Variants in FSTL5 observed in about 807,000 individuals in gnomAD.
The protein encoded by FSTL5 is follistatin-related protein 5.
In FSTL5, 62 loss-of-function variants were observed where a neutral mutation model predicts 89.1. That is an observed-to-expected ratio of 0.70 (90% CI 0.57 to 0.86). FSTL5 has a LOEUF of 0.86. Among genes scored for constraint, FSTL5 ranks in the 40% least tolerant of loss-of-function variants. FSTL5 has a pLI of 0.00. For synonymous variants in FSTL5, 383 were observed against 346.2 expected (o/e 1.11, Z -1.18); for missense variants, 1,057 against 1,001.6 (o/e 1.06, Z -0.75).
chr4:161,748,193 A>G (rs1740267817), intron 6 of FSTL5, among the ~76,000 whole-genome samples: 1 of 152,182 alleles, frequency 6.6e-6, no homozygotes, highest in Admixed American at 6.5e-5. Context: ...GCATTAACAA[A>G]TTATTCTGCT....
At chr4:161,663,464 C>CCAGTCACATTT (rs753037624) in intron 6 of FSTL5, among the ~76,000 whole-genome samples, 2 of 152,184 alleles carry the variant, frequency 1.3e-5, no homozygotes, top group East Asian at 3.9e-4. Flanking sequence ...ATCCAGGGGG[C>CCAGTCACATTT]CAGTCACATT....
At chr4:161,731,478 C>T (rs1438903825) in intron 6 of FSTL5, among the ~76,000 whole-genome samples, 1 of 151,944 alleles carries the variant, frequency 6.6e-6, no homozygotes, top group Non-Finnish European at 1.5e-5. Context: ...TGTGGCAACT[C>T]CCCCTTTACT....
intron 1 of FSTL5, among the ~76,000 whole-genome samples, chr4:162,126,937 T>C (rs1021134776): frequency 6.6e-6 from 1 of 152,326 alleles, no homozygotes; most frequent in East Asian, 1.9e-4. Flanking sequence ...ACCATCTGAC[T>C]ATGCTGAGAG....
chr4:161,996,154 C>A (rs1295890072), intron 3 of FSTL5, among the ~76,000 whole-genome samples: 4 of 152,160 alleles, frequency 2.6e-5, no homozygotes, highest in African/African-American at 9.7e-5. Flanking sequence ...CTCCATTCTA[C>A]AACAAGAACT....
chr4:161,969,665 C>G (rs1211287631), intron 3 of FSTL5, among the ~76,000 whole-genome samples: 1 of 152,170 alleles, frequency 6.6e-6, no homozygotes, highest in East Asian at 1.9e-4. Context: ...GTTGTATAAT[C>G]CACACGTATT....
intron 4 of FSTL5, among the ~76,000 whole-genome samples, chr4:161,858,535 T>A (rs1220617881): frequency 6.6e-6 from 1 of 152,196 alleles, no homozygotes; most frequent in Non-Finnish European, 1.5e-5. Flanking sequence ...CAATCCTACA[T>A]TCCCATAAAA....
intron 4 of FSTL5, among the ~76,000 whole-genome samples, chr4:161,787,061 A>G (rs1437135297): frequency 6.6e-6 from 1 of 152,152 alleles, no homozygotes; most frequent in Non-Finnish European, 1.5e-5. Context: ...GGTGAATAAT[A>G]GGAGATAGAG....
intron 2 of FSTL5, among the ~76,000 whole-genome samples, chr4:162,063,940 A>G (rs1178693189): frequency 6.6e-6 from 1 of 152,076 alleles, no homozygotes; most frequent in East Asian, 1.9e-4. Flanking sequence ...TTCTAAATCC[A>G]TCTTTTATCT....
At chr4:161,682,986 C>A (rs1737578851) in intron 6 of FSTL5, among the ~76,000 whole-genome samples, 3 of 152,076 alleles carry the variant, frequency 2.0e-5, no homozygotes, top group African/African-American at 7.2e-5. Flanking sequence ...ACCTCGTGAT[C>A]CACCCACCTC....
intron 3 of FSTL5, among the ~76,000 whole-genome samples, chr4:161,931,936 T>C (rs1202619947): frequency 1.3e-5 from 2 of 152,104 alleles, no homozygotes; most frequent in South Asian, 2.1e-4. Flanking sequence ...ACATCTTCAA[T>C]TGTACCAGTG....
At chr4:162,054,987 A>C (rs1377826353) in intron 2 of FSTL5, among the ~76,000 whole-genome samples, 8 of 151,900 alleles carry the variant, frequency 5.3e-5, no homozygotes, top group Admixed American at 5.3e-4. Flanking sequence ...TTGTGGATTA[A>C]CTCTGTGACA....
chr4:161,731,366 G>A (rs573508581), intron 6 of FSTL5, among the ~76,000 whole-genome samples: 2 of 152,072 alleles, frequency 1.3e-5, no homozygotes, highest in East Asian at 3.9e-4. Flanking sequence ...TGTGTTGGGC[G>A]AGGGGCCTAA....
chr4:161,954,896 A>T (rs1024711574), intron 3 of FSTL5, among the ~76,000 whole-genome samples: 1 of 151,708 alleles, frequency 6.6e-6, no homozygotes, highest in Non-Finnish European at 1.5e-5. Flanking sequence ...TTAAGACCAG[A>T]TACTAAATGG....
intron 3 of FSTL5, among the ~76,000 whole-genome samples, chr4:161,946,226 A>G (rs141595588): frequency 1.3e-3 from 196 of 152,166 alleles, no homozygotes; most frequent in African/African-American, 4.4e-3. Context: ...ACATTCTCCA[A>G]TCTTGTCTGG....
intron 1 of FSTL5, among the ~76,000 whole-genome samples, chr4:162,159,296 GA>G (rs1204120142): frequency 6.6e-6 from 1 of 152,002 alleles, no homozygotes; most frequent in Non-Finnish European, 1.5e-5. Context: ...TACATTCACA[GA>G]GAAAATACAT....
intron 3 of FSTL5, among the ~76,000 whole-genome samples, chr4:161,961,960 T>C (rs1735191099): frequency 6.6e-6 from 1 of 151,798 alleles, no homozygotes; most frequent in South Asian, 2.1e-4. Context: ...TTAAGCAGAT[T>C]AGTTATCTAT....
At chr4:162,099,937 G>A (rs1730922138) in intron 2 of FSTL5, among the ~76,000 whole-genome samples, 1 of 152,168 alleles carries the variant, frequency 6.6e-6, no homozygotes, top group Non-Finnish European at 1.5e-5. Context: ...TGAGGATAGT[G>A]GAGCAATAGG....
intron 15 of FSTL5, among the ~76,000 whole-genome samples, chr4:161,434,185 G>A (rs1169579629): frequency 6.6e-6 from 1 of 152,040 alleles, no homozygotes; most frequent in African/African-American, 2.4e-5. Context: ...AAACAGCATG[G>A]TACTGGCATA....
intron 7 of FSTL5, among the ~76,000 whole-genome samples, chr4:161,637,973 T>G (rs1408199728): frequency 6.6e-6 from 1 of 151,698 alleles, no homozygotes; most frequent in Non-Finnish European, 1.5e-5. Flanking sequence ...ATATGAACTT[T>G]AAAGTAGTTT....
Sources: gnomAD v4.1 joint callset for allele counts (sites outside exome capture counted in the v4.1 genomes callset) on GRCh38, gnomAD v4.1.1 for gene constraint, MANE v1.5 for transcripts, NCBI Gene and HGNC (gene_info 2026-07-23, HGNC 2026-07-21) for gene names.